FHIT: variants seen among roughly 807,000 people sequenced by gnomAD.
FHIT encodes the protein bis(5'-adenosyl)-triphosphatase.
Under a neutral mutation model 17.9 loss-of-function variants are expected in FHIT, and 19 were observed. The observed-to-expected ratio is 1.06, with a 90% CI of 0.74 to 1.56. The LOEUF is 1.56. Among genes scored for constraint, FHIT ranks in the 40% most tolerant of loss-of-function variants. The pLI, the probability that FHIT is intolerant of heterozygous loss-of-function variation, is 0.00. For missense variants in FHIT, 248 were observed against 189.2 expected (o/e 1.31, Z -1.82); for synonymous variants, 81 against 69.7 (o/e 1.16, Z -0.81).
intron 2 of FHIT, among the ~76,000 whole-genome samples, chr3:61,086,549 C>A (rs1046103154): frequency 1.3e-5 from 2 of 152,106 alleles, no homozygotes; most frequent in Non-Finnish European, 2.9e-5. Context: ...CTTTTCAGGT[C>A]TTTGTCATTT....
At chr3:59,913,162 G>T (rs1304096495) in intron 8 of FHIT, among the ~76,000 whole-genome samples, 3 of 152,050 alleles carry the variant, frequency 2.0e-5, no homozygotes, top group African/African-American at 7.2e-5. Flanking sequence ...GTGTGTCTAG[G>T]ACTTATAAAT....
chr3:60,683,115 A>C (rs574369762), intron 4 of FHIT, among the ~76,000 whole-genome samples: 1 of 152,348 alleles, frequency 6.6e-6, no homozygotes, highest in Non-Finnish European at 1.5e-5. Context: ...ACGGGTAAGC[A>C]AAGAAAAGGA....
At chr3:59,968,067 T>C (rs17061546) in intron 7 of FHIT, among the ~76,000 whole-genome samples, 15,665 of 152,086 alleles carry the variant, frequency 0.1, 897 homozygotes, top group Middle Eastern at 0.18. Context: ...CAGGGGTAGG[T>C]AGTCAGTTTT....
chr3:60,852,875 A>AT (rs1553748833), intron 3 of FHIT, among the ~76,000 whole-genome samples: 2 of 152,212 alleles, frequency 1.3e-5, no homozygotes, highest in African/African-American at 4.8e-5. Context: ...GAAATATTCC[A>AT]TTTTTTCAGT....
chr3:61,219,274 C>CA (rs1217795908), intron 1 of FHIT, among the ~76,000 whole-genome samples: 1 of 151,822 alleles, frequency 6.6e-6, no homozygotes, highest in Admixed American at 6.6e-5. Flanking sequence ...GTTGAATAAA[C>CA]TAATACAAGC....
At chr3:59,952,381 A>C (rs1276183657) in intron 7 of FHIT, among the ~76,000 whole-genome samples, 1 of 152,142 alleles carries the variant, frequency 6.6e-6, no homozygotes, top group East Asian at 1.9e-4. Context: ...CCCTCGGGAC[A>C]TGCAGACATC....
intron 4 of FHIT, among the ~76,000 whole-genome samples, chr3:60,797,920 T>A (rs77343469): frequency 1.3e-5 from 2 of 151,948 alleles, no homozygotes; most frequent in East Asian, 3.8e-4. Context: ...ACATTAAAAA[T>A]TAATTTTAAT....
chr3:60,484,842 A>C (rs577108977), intron 5 of FHIT, among the ~76,000 whole-genome samples: 1 of 152,338 alleles, frequency 6.6e-6, no homozygotes, highest in Non-Finnish European at 1.5e-5. Flanking sequence ...TGTACAGCTA[A>C]AGAAACTATC....
chr3:60,189,173 C>G (rs1339752130), intron 5 of FHIT, among the ~76,000 whole-genome samples: 1 of 150,560 alleles, frequency 6.6e-6, no homozygotes, highest in Admixed American at 6.6e-5. Flanking sequence ...GACCTTTTTT[C>G]TCTGACAAGT....
intron 5 of FHIT, among the ~76,000 whole-genome samples, chr3:60,393,520 T>G (rs17746541): frequency 0.27 from 40,342 of 151,638 alleles, 6,599 homozygotes; most frequent in Non-Finnish European, 0.37. Context: ...GACCAATTTT[T>G]TCTAAGTGGC....
Position 60,562,585 on chromosome 3 carries a change from G to A in FHIT, c.-17-25606C>T, listed in dbSNP as rs952731834. 2.0e-5 allele frequency among the ~76,000 whole-genome samples: 3 copies of A among 152,056 alleles called. No homozygotes were observed. The East Asian group carries it at 5.8e-4, about 29-fold the overall frequency. ...AATAAGTTAGTTGGCCTACTTGGAG[G>A]GTATAATACCAGCCAGCACCTTAAT... On this transcript the variant is annotated intron_variant, in intron 4 of 9. Coordinates refer to ENST00000492590, the MANE Select transcript of FHIT (RefSeq NM_002012.4).
At chr3:60,319,494 T>C (rs1709321853) in intron 5 of FHIT, among the ~76,000 whole-genome samples, 1 of 151,408 alleles carries the variant, frequency 6.6e-6, no homozygotes, top group Non-Finnish European at 1.5e-5. Flanking sequence ...GAACGGTATA[T>C]AGATTGGGAT....
At chr3:60,959,748 G>A (rs1709324363) in intron 3 of FHIT, among the ~76,000 whole-genome samples, 1 of 151,558 alleles carries the variant, frequency 6.6e-6, no homozygotes, top group African/African-American at 2.4e-5. Context: ...GGGCAGTGTA[G>A]TTTGCGTGCA....
chr3:59,885,194 A>G (rs183499552), intron 8 of FHIT, among the ~76,000 whole-genome samples: 122 of 152,324 alleles, frequency 8.0e-4, no homozygotes, highest in African/African-American at 2.7e-3. Flanking sequence ...CATTTTCTAT[A>G]TATGTTCAGA....
At chr3:60,571,617 T>C (rs1038916042) in intron 4 of FHIT, among the ~76,000 whole-genome samples, 1 of 152,096 alleles carries the variant, frequency 6.6e-6, no homozygotes, top group Non-Finnish European at 1.5e-5. Context: ...GGCATTTCTC[T>C]AAGTGTAGAG....
chr3:59,824,950 G>A (rs1353448914), intron 8 of FHIT, among the ~76,000 whole-genome samples: 1 of 152,164 alleles, frequency 6.6e-6, no homozygotes, highest in Non-Finnish European at 1.5e-5. Flanking sequence ...CTATTGACGA[G>A]CTTTGCTGTT....
At chr3:60,372,038 G>C (rs1401604294) in intron 5 of FHIT, among the ~76,000 whole-genome samples, 2 of 152,140 alleles carry the variant, frequency 1.3e-5, no homozygotes, top group African/African-American at 4.8e-5. Flanking sequence ...AAGCTGCAGA[G>C]AGAGGCATTT....
intron 2 of FHIT, among the ~76,000 whole-genome samples, chr3:61,069,034 C>T (rs1464617804): frequency 3.9e-5 from 6 of 152,122 alleles, no homozygotes; most frequent in Non-Finnish European, 5.9e-5. Context: ...AAAACACAAG[C>T]CAATCCTGAA....
chr3:59,931,745 C>A (rs1296406491), intron 7 of FHIT, among the ~76,000 whole-genome samples: 2 of 152,078 alleles, frequency 1.3e-5, no homozygotes, highest in African/African-American at 4.8e-5. Context: ...AGTTTCGTGG[C>A]TTAACAATTG....
Sources: gnomAD v4.1 joint callset for allele counts (sites outside exome capture counted in the v4.1 genomes callset) on GRCh38, gnomAD v4.1.1 for gene constraint, MANE v1.5 for transcripts, NCBI Gene and HGNC (gene_info 2026-07-23, HGNC 2026-07-21) for gene names.